Variants in TLE4 observed in about 807,000 individuals in gnomAD.
The protein encoded by TLE4 is transducin-like enhancer protein 4.
A neutral mutation model predicts 92.8 loss-of-function variants in TLE4; 8 were observed. That is an observed-to-expected ratio of 0.09 (90% CI 0.05 to 0.16). The LOEUF (loss-of-function observed/expected upper bound fraction) is 0.16, where lower values mean the gene tolerates loss of function less well. Among genes scored for constraint, TLE4 ranks in the 10% least tolerant of loss-of-function variants. The pLI is 1.00. For missense variants in TLE4, 675 were observed against 997.6 expected (o/e 0.68, Z 4.36); for synonymous variants, 371 against 374.1 (o/e 0.99, Z 0.10).
At chr9:79,592,590 G>A (rs1033412882) in intron 4 of TLE4, among the ~76,000 whole-genome samples, 2 of 152,028 alleles carry the variant, frequency 1.3e-5, no homozygotes, top group African/African-American at 4.8e-5. Flanking sequence ...GCCAGAGATA[G>A]TTTCTGTCAT....
chr9:79,576,470 AAG>A (rs538400532), intron 4 of TLE4: 120 of 217,222 alleles, frequency 5.5e-4, no homozygotes, highest in Non-Finnish European at 1.0e-3. Context: ...ATTCTTCTGA[AAG>A]AGTTGCTTTA....
intron 6 of TLE4, among the ~76,000 whole-genome samples, chr9:79,642,980 T>G (rs1450483326): frequency 1.3e-5 from 2 of 152,236 alleles, no homozygotes; most frequent in Non-Finnish European, 2.9e-5. Context: ...TCATCAGGAA[T>G]GAGTTACAGA....
chr9:79,652,956 A>G, intron 7 of TLE4, 162 bp downstream of exon 7: 3 of 839,320 alleles, frequency 3.6e-6, no homozygotes, highest in Non-Finnish European at 6.1e-6. Flanking sequence ...TCAATTGCCA[A>G]ATGATATTCT....
chr9:79,725,298 C>T lies in TLE4; in HGVS notation c.*154C>T. 1.8e-6 allele frequency: 1 copy of T among 563,606 alleles called. No individual in the cohort carries two copies. Among genetic ancestry groups the T allele is most frequent in the South Asian group, 2.1e-5 (1 of 47,318 alleles). 34.9% of individuals were successfully genotyped at this position (563,606 alleles called of 1,614,324 possible). On this transcript the variant is annotated 3_prime_UTR_variant, in exon 20 of 20. Coordinates refer to ENST00000376552, the MANE Select transcript of TLE4 (RefSeq NM_007005.6). ...TCCCCTTTCTTAACCTCACTTCCCA[C>T]TTGCTATTGAATTGTGAATAGTCAT...
chr9:79,720,057 C>G lies in TLE4; in HGVS notation c.1602C>G (p.Asn534Lys). ...TTTTGTCTCTACAGAACAGGGATAACTACATCCGTTCCTGCAGATTGCTCC... is the reference window on the plus strand; with the variant it reads ...TTTTGTCTCTACAGAACAGGGATAAGTACATCCGTTCCTGCAGATTGCTCC... ...VSQLDCLNRD[N>K]YIRSCRLLPD... Residue 534 changes from asparagine (N) to lysine (K), a missense_variant, in exon 16 of 20, where the codon AAC becomes AAG. Around this residue, in one of 5 missense-constraint regions of TLE4, gnomAD observed 170 missense variants for 359.6 expected, o/e 0.47. Coordinates refer to ENST00000376552, the MANE Select transcript of TLE4 (RefSeq NM_007005.6). 2 of 1,611,524 alleles carry G rather than the reference C, an allele frequency of 1.2e-6. No individual in the cohort carries two copies. The highest frequency in any genetic ancestry group is 1.7e-6 in the Non-Finnish European group (2 of 1,177,852).
At chr9:79,670,117 A>G (rs1465102032) in intron 8 of TLE4, among the ~76,000 whole-genome samples, 1 of 152,126 alleles carries the variant, frequency 6.6e-6, no homozygotes, top group East Asian at 1.9e-4. Flanking sequence ...AGGTAGGGAA[A>G]TCGTGCAAGT....
chr9:79,704,661 T>G (rs1281055600), intron 8 of TLE4, 122 bp from the exon 9 acceptor site: 2 of 1,359,618 alleles, frequency 1.5e-6, no homozygotes, highest in Non-Finnish European at 2.0e-6. Flanking sequence ...CTATCTCCTC[T>G]TAACAGCTTT....
chr9:79,680,552 T>G (rs1810199875), intron 8 of TLE4, among the ~76,000 whole-genome samples: 1 of 152,218 alleles, frequency 6.6e-6, no homozygotes, highest in Non-Finnish European at 1.5e-5. Context: ...TTTCTAGATA[T>G]ACAATCATGT....
At chr9:79,606,767 A>C (rs1243424406) in intron 4 of TLE4, among the ~76,000 whole-genome samples, 1 of 152,120 alleles carries the variant, frequency 6.6e-6, no homozygotes, top group Admixed American at 6.6e-5. Context: ...TTCTTAATCC[A>C]GTCTATCATT....
At chr9:79,655,144 AATACATAC>A (rs200567926) in intron 8 of TLE4, among the ~76,000 whole-genome samples, 1,728 of 152,024 alleles carry the variant, frequency 0.011, 39 homozygotes, top group African/African-American at 0.038. Context: ...CTGTCTCAAA[AATACATAC>A]ATACATACAT....
chr9:79,637,425 A>G (rs1037267244), intron 6 of TLE4, among the ~76,000 whole-genome samples: 3 of 151,962 alleles, frequency 2.0e-5, no homozygotes, highest in Non-Finnish European at 4.4e-5. Flanking sequence ...TGACTTCAGA[A>G]CTCACACATT....
chr9:79,572,952 G>A, intron 1 of TLE4, 117 bp downstream of exon 1: 1 of 1,129,460 alleles, frequency 8.9e-7, no homozygotes, highest in Non-Finnish European at 1.2e-6. Context: ...CCCGAAATCG[G>A]CGCCCCGCGC....
Position 79,572,847 on chromosome 9 carries a change from C to A in TLE4, c.45+12C>A. 2 of 1,593,590 alleles carry A rather than the reference C, an allele frequency of 1.3e-6. No homozygotes were observed. Among genetic ancestry groups the A allele is most frequent in the East Asian group, 2.3e-5 (1 of 42,800 alleles). ...AGACCAGACACCCAGTGAGTGCGGG[C>A]GGCGGGGCGCGGGCTCGCCGGGTGC... On this transcript the variant is annotated intron_variant, in intron 1 of 19. Coordinates refer to ENST00000376552, the MANE Select transcript of TLE4 (RefSeq NM_007005.6).
intron 4 of TLE4, chr9:79,601,329 G>A (rs2045598909): frequency 4.4e-6 from 2 of 453,056 alleles, no homozygotes; most frequent in Non-Finnish European, 8.9e-6. Flanking sequence ...TTTCTGGATA[G>A]ATATTCCTTT....
At chr9:79,627,252 A>G (rs1484558589) in intron 5 of TLE4, 122 bp from the exon 6 acceptor site, 4 of 956,290 alleles carry the variant, frequency 4.2e-6, no homozygotes, top group Non-Finnish European at 5.0e-6. Context: ...TGTATTGGAA[A>G]CCTGGAGATC....
Position 79,718,803 on chromosome 9 carries a change from C to T in TLE4, c.1422C>T (p.Ile474=), listed in dbSNP as rs375560134. The change falls in exon 15 of 20, where the codon ATC becomes ATT. Residue 474 remains isoleucine (I), a synonymous_variant. Transcript: ENST00000376552. ...CCGACGCCCTCATCGGACCTGGAAT[C>T]CCCCGGCATGCTCGCCAGATCAACA... ...FPPDALIGPG[I]PRHARQINTL... 1.2e-6 allele frequency: 2 copies of T among 1,614,028 alleles called. No individual in the cohort carries two copies. The highest frequency in any genetic ancestry group is 3.3e-5 in the Admixed American group (2 of 60,012).
At chr9:79,624,200 C>T (rs1019046132) in intron 5 of TLE4, among the ~76,000 whole-genome samples, 1 of 146,460 alleles carries the variant, frequency 6.8e-6, no homozygotes, top group Non-Finnish European at 1.5e-5. Flanking sequence ...AAAAAGCCTC[C>T]TGGGTCAGTT....
At chr9:79,709,805 C>A in intron 14 of TLE4, 106 bp downstream of exon 14, 1 of 846,784 alleles carries the variant, frequency 1.2e-6, no homozygotes, top group Non-Finnish European at 1.8e-6. Context: ...GTTCCCATGA[C>A]TTGTATTTTT....
intron 6 of TLE4, among the ~76,000 whole-genome samples, chr9:79,635,536 A>G (rs548468427): frequency 6.2e-5 from 9 of 145,668 alleles, no homozygotes; most frequent in African/African-American, 2.3e-4. Flanking sequence ...ATTCAGTTCA[A>G]TTTTTGTTTA....
Sources: allele counts gnomAD v4.1 joint callset (sites outside exome capture counted in the v4.1 genomes callset), GRCh38; gene constraint gnomAD v4.1.1; regional missense constraint gnomAD v4.1.1; transcripts MANE v1.5; gene names NCBI Gene and HGNC (gene_info 2026-07-23, HGNC 2026-07-21).